GTPBP2: variants seen among roughly 807,000 people sequenced by gnomAD.
GTPBP2 encodes GTP-binding protein 2.
Under a neutral mutation model 63.0 loss-of-function variants are expected in GTPBP2, and 32 were observed. That is an observed-to-expected ratio of 0.51 (90% CI 0.38 to 0.68). The LOEUF is 0.68. Among genes scored for constraint, GTPBP2 ranks in the 30% least tolerant of loss-of-function variants. GTPBP2 has a pLI of 0.00. For missense variants in GTPBP2, 492 were observed against 796.9 expected (o/e 0.62, Z 4.61); for synonymous variants, 310 against 322.6 (o/e 0.96, Z 0.42).
At chr6:43,627,856 GTGT>G (rs1769498470) in intron 1 of GTPBP2, among the ~76,000 whole-genome samples, 1 of 152,018 alleles carries the variant, frequency 6.6e-6, no homozygotes, top group Non-Finnish European at 1.5e-5. Flanking sequence ...ACTTCATGGT[GTGT>G]TAAGGAGATT....
At chr6:43,628,679 T>C (rs1769634619) in intron 1 of GTPBP2, 9 of 735,074 alleles carry the variant, frequency 1.2e-5, no homozygotes, top group South Asian at 1.0e-4. Flanking sequence ...CACACGCAGT[T>C]GGTCGGGGTG....
In GTPBP2 at chr6:43,628,977, C is replaced by T. The variant is rs1485580711; in HGVS notation, c.186G>A (p.Glu62=). The change falls in exon 1 of 12, where the codon GAG becomes GAA. Residue 62 remains glutamate (E), a splice_region_variant and synonymous_variant. Transcript: ENST00000307126. ...KANNPPYLPP[E]AEDGNIEYKL... ...GCCCTACCACTTCTCAGGTGCTCAC[C>T]TCGGGGGGCAAATACGGGGGGTTGT... 1 of 1,613,760 alleles carries T rather than the reference C, an allele frequency of 6.2e-7. No individual in the cohort carries two copies. Among genetic ancestry groups the T allele is most frequent in the Non-Finnish European group, 8.5e-7 (1 of 1,179,712 alleles).
At chr6:43,623,900 C>A in intron 8 of GTPBP2, 33 bp downstream of exon 8, 2 of 1,613,530 alleles carry the variant, frequency 1.2e-6, no homozygotes, top group Non-Finnish European at 1.7e-6. Context: ...CTCCCTGTTT[C>A]CCAGCCTATT....
Position 43,625,572 on chromosome 6 carries a change from T to C in GTPBP2, c.508-12A>G. On this transcript the variant is annotated splice_polypyrimidine_tract_variant and intron_variant, in intron 4 of 11. Coordinates refer to ENST00000307126, the MANE Select transcript of GTPBP2 (RefSeq NM_019096.5). This position sits in a 1 kb window ranked among gnomAD's most constrained non-coding sequence, Gnocchi z 5.1. ...CGGAGGTCTAGGAACTGTGGATGAATTGCCAGAGATAAGAACTCCAATCTC... is the reference window on the plus strand; with the variant it reads ...CGGAGGTCTAGGAACTGTGGATGAACTGCCAGAGATAAGAACTCCAATCTC... 1.2e-6 allele frequency: 2 copies of C among 1,606,804 alleles called. No individual in the cohort carries two copies. Among genetic ancestry groups the C allele is most frequent in the Non-Finnish European group, 1.7e-6 (2 of 1,173,402 alleles).
In GTPBP2 at chr6:43,624,470, C is replaced by A; in HGVS notation, c.1100+40G>T. 1 of 1,458,722 alleles carries A rather than the reference C, an allele frequency of 6.9e-7. No homozygotes were observed. Among genetic ancestry groups the A allele is most frequent in the Non-Finnish European group, 9.6e-7 (1 of 1,045,492 alleles). The allele number at this position is 1,458,722 out of a possible 1,614,324, so 90.4% of individuals were successfully genotyped here. ...TCTGGGCCCTGGGCTCTGTGGCAGC[C>A]TTCCTAGTGGATCAGGGCTTTAGAG... On this transcript the variant is annotated intron_variant, in intron 7 of 11. Coordinates refer to ENST00000307126, the MANE Select transcript of GTPBP2 (RefSeq NM_019096.5). This position sits in a 1 kb window ranked among gnomAD's most constrained non-coding sequence, Gnocchi z 5.1.
chr6:43,626,828 C>CA lies in GTPBP2; in HGVS notation c.213+93dup, dbSNP rs371391526. 0.056 allele frequency: 43,342 copies of CA among 772,282 alleles called. 6 individuals are homozygous for CA. The highest frequency in any genetic ancestry group is 0.071 in the South Asian group (3,425 of 48,044). 47.8% of individuals were successfully genotyped at this position (772,282 alleles called of 1,614,324 possible). A position where few individuals can be genotyped will look rare whatever the true frequency, so the allele number is the denominator to read the frequency against. On this transcript the variant is annotated intron_variant, in intron 2 of 11. Transcript: ENST00000307126. This position sits in a 1 kb window ranked among gnomAD's most constrained non-coding sequence, Gnocchi z 4.0. ...AGGCAACAAGAGCAAAACTTCATCT[C>CA]AAAAAAAAAAAAGAAAGAAAGAAAA...
rs914331277 is a variant in GTPBP2, at chr6:43,621,461, C to G, written c.*153G>C. 2.6e-6 allele frequency: 4 copies of G among 1,549,432 alleles called. No homozygotes were observed. In the African/African-American group the frequency reaches 4.1e-5, roughly 16 times the overall value. On this transcript the variant is annotated 3_prime_UTR_variant, in exon 12 of 12. Transcript: ENST00000307126. Reference sequence around the variant, plus strand: ...TTTCCTGGCCACACCAAGTTTGGCACCTCTCCAGAAAGTTGGCAGGGAGCA... The same window carrying G: ...TTTCCTGGCCACACCAAGTTTGGCAGCTCTCCAGAAAGTTGGCAGGGAGCA...
chr6:43,623,842 T>G, intron 8 of GTPBP2, 47 bp from the exon 9 acceptor site: 1 of 1,609,918 alleles, frequency 6.2e-7, no homozygotes, highest in Non-Finnish European at 8.5e-7. Context: ...GTAGGGCTGG[T>G]GGGTCCAAAA....
Position 43,624,166 on chromosome 6 carries a change from G to T in GTPBP2, c.1101-98C>A. On this transcript the variant is annotated intron_variant, in intron 7 of 11. Transcript: ENST00000307126. This position sits in a 1 kb window ranked among gnomAD's most constrained non-coding sequence, Gnocchi z 5.1. ...GGAAAGGTGAGCTTTGTTCTGGCTG[G>T]GGGCCCCTCTCTCCTGTCTGCAAAT... The T allele has an allele frequency of 8.8e-7, 1 of 1,135,212 alleles. No homozygotes were observed. The highest frequency in any genetic ancestry group is 1.2e-6 in the Non-Finnish European group (1 of 806,188). 70.3% of individuals were successfully genotyped at this position (1,135,212 alleles called of 1,614,324 possible). A position where few individuals can be genotyped will look rare whatever the true frequency, so the allele number is the denominator to read the frequency against.
At chr6:43,621,859 C>T in intron 11 of GTPBP2, 69 bp from the exon 12 acceptor site, 1 of 1,611,110 alleles carries the variant, frequency 6.2e-7, no homozygotes, top group South Asian at 1.1e-5. Context: ...CCGTGGCTCT[C>T]CACCCTCCAG....
chr6:43,627,481 T>C (rs894859985), intron 1 of GTPBP2: 29 of 238,078 alleles, frequency 1.2e-4, no homozygotes, highest in Non-Finnish European at 1.8e-4. Context: ...CGAGAAGATC[T>C]AGGTGAGAGA....
rs1213988372 is a variant in GTPBP2, at chr6:43,621,757, G to A, written c.1666C>T (p.Arg556Cys). The change falls in exon 12 of 12, where the codon CGT becomes TGT. Residue 556 changes from arginine (R) to cysteine (C), a missense_variant. This residue lies in a region of GTPBP2 where 400 missense variants were observed against 710.8 expected (regional missense o/e 0.56). Transcript: ENST00000307126. The stretch of plus-strand genomic sequence containing the variant: ...TCTGGGTGTTTCAGGAAGCGGAAAC[G>A]TACCACTGCCTTCTCGCCTGTCCGC... Reference protein sequence around the residue: ...KLRTGEKAVVRFRFLKHPEYL... With the variant: ...KLRTGEKAVVCFRFLKHPEYL... 7 of 1,614,010 alleles carry A rather than the reference G, an allele frequency of 4.3e-6. No individual in the cohort carries two copies. Among genetic ancestry groups the A allele is most frequent in the South Asian group, 1.1e-5 (1 of 91,086 alleles).
chr6:43,621,432 G>A lies in GTPBP2; in HGVS notation c.*182C>T. 6.5e-7 allele frequency: 1 copy of A among 1,543,862 alleles called. No individual in the cohort carries two copies. The highest frequency in any genetic ancestry group is 8.8e-7 in the Non-Finnish European group (1 of 1,142,660). ...GAATCCTGTCTTCTCCCTCAGGACT[G>A]CCCTTTCCTGGCCACACCAAGTTTG... On this transcript the variant is annotated 3_prime_UTR_variant, in exon 12 of 12. Transcript: ENST00000307126.
chr6:43,622,912 G>A lies in GTPBP2; in HGVS notation c.1296-108C>T. Reference sequence around the variant, plus strand: ...TCCCTTCTAGGGTTGAGTCCCTCAAGTGGGGAAGAACCCTAAATTCTGACT... The same window carrying A: ...TCCCTTCTAGGGTTGAGTCCCTCAAATGGGGAAGAACCCTAAATTCTGACT... On this transcript the variant is annotated intron_variant, in intron 9 of 11. Coordinates refer to ENST00000307126, the MANE Select transcript of GTPBP2 (RefSeq NM_019096.5). This position sits in a 1 kb window ranked among gnomAD's most constrained non-coding sequence, Gnocchi z 5.4. 1 of 851,764 alleles carries A rather than the reference G, an allele frequency of 1.2e-6. No individual in the cohort carries two copies. Among genetic ancestry groups the A allele is most frequent in the Admixed American group, 2.6e-5 (1 of 38,012 alleles). 52.8% of individuals were successfully genotyped at this position (851,764 alleles called of 1,614,324 possible).
chr6:43,629,164 C>T lies in GTPBP2; in HGVS notation c.-2G>A. The T allele has an allele frequency of 7.0e-7, 1 of 1,421,962 alleles. No individual in the cohort carries two copies. Among genetic ancestry groups the T allele is most frequent in the South Asian group, 1.5e-5 (1 of 66,394 alleles). The allele number at this position is 1,421,962 out of a possible 1,614,324, so 88.1% of individuals were successfully genotyped here. On this transcript the variant is annotated 5_prime_UTR_variant, in exon 1 of 12. Transcript: ENST00000307126. ...CAGCTCCGATACCCGCGAGTCCATC[C>T]GCCGCTGCCGCCAGCCCCCCGCCCG...
intron 1 of GTPBP2, among the ~76,000 whole-genome samples, chr6:43,628,290 C>T (rs1288718761): frequency 6.6e-6 from 1 of 151,968 alleles, no homozygotes; most frequent in Non-Finnish European, 1.5e-5. Flanking sequence ...CTTGAGAACC[C>T]GGGAGGCCGA....
chr6:43,631,223 C>G (rs1460526743), upstream of GTPBP2, among the ~76,000 whole-genome samples: 1 of 152,210 alleles, frequency 6.6e-6, no homozygotes, highest in Non-Finnish European at 1.5e-5. Flanking sequence ...TGTGACTTTT[C>G]TTAGTCCTGT....
At chr6:43,629,892 TC>T, upstream of GTPBP2, 1 of 1,249,778 alleles carries the variant, frequency 8.0e-7, no homozygotes, top group Non-Finnish European at 1.1e-6. Flanking sequence ...GCTGGCACCG[TC>T]CAGGGGCTGG....
rs1254360940 is a variant in GTPBP2 at position 43,621,169 on chromosome 6, A to G, written c.*445T>C. 1 of 340,722 alleles carries G rather than the reference A, an allele frequency of 2.9e-6. No homozygotes were observed. The highest frequency in any genetic ancestry group is 5.9e-6 in the Non-Finnish European group (1 of 170,536). 21.1% of individuals were successfully genotyped at this position (340,722 alleles called of 1,614,324 possible). On this transcript the variant is annotated 3_prime_UTR_variant, in exon 12 of 12. Transcript: ENST00000307126. ...GATAACCTTTTGTCCACAGCCAGGT[A>G]GAGATGGGCAACTTACATGGCCTTG...
Sources: gnomAD v4.1 joint callset for allele counts (sites outside exome capture counted in the v4.1 genomes callset) on GRCh38, gnomAD v4.1.1 for gene constraint, gnomAD v4.1.1 regional missense constraint, Gnocchi (gnomAD v3.1) non-coding constraint, MANE v1.5 for transcripts, NCBI Gene and HGNC (gene_info 2026-07-23, HGNC 2026-07-21) for gene names.